Variants in NCOA1 observed in about 807,000 individuals in gnomAD.
The protein encoded by NCOA1 is nuclear receptor coactivator 1.
In NCOA1, 35 loss-of-function variants were observed where a neutral mutation model predicts 150.9. The ratio of observed to expected loss-of-function variants is 0.23; its 90% CI spans 0.18 to 0.31. The LOEUF is 0.31. NCOA1 is among the 10% of genes least tolerant of loss of function. The pLI is 1.00. For synonymous variants in NCOA1, 590 were observed against 630.0 expected, an observed-to-expected ratio of 0.94 and a Z score of 0.95; for missense variants, 1,491 against 1,749.3, an observed-to-expected ratio of 0.85 and a Z score of 2.63.
chr2:24,625,616 G>A (rs897866792), intron 3 of NCOA1, among the ~76,000 whole-genome samples: 4 of 151,942 alleles, frequency 2.6e-5, no homozygotes, highest in Admixed American at 1.3e-4. Context: ...TCCCCCAAAG[G>A]AGACATTTAA....
intron 1 of NCOA1, among the ~76,000 whole-genome samples, chr2:24,517,020 A>G (rs1450985126): frequency 1.3e-5 from 2 of 148,932 alleles, no homozygotes; most frequent in Non-Finnish European, 3.0e-5. Context: ...ACACACACAC[A>G]CACACACACC....
chr2:24,503,846 T>A (rs1374501759), intron 1 of NCOA1, among the ~76,000 whole-genome samples: 2 of 151,934 alleles, frequency 1.3e-5, no homozygotes, highest in African/African-American at 2.4e-5. Flanking sequence ...GCGATTCTCC[T>A]GTCTCAGCCT....
chr2:24,593,561 G>T (rs186136318), intron 3 of NCOA1, among the ~76,000 whole-genome samples: 1 of 151,970 alleles, frequency 6.6e-6, no homozygotes. Flanking sequence ...ACTCTCACAT[G>T]GTTTTACTGT....
At chr2:24,708,940 A>G (rs767397119) in intron 13 of NCOA1, among the ~76,000 whole-genome samples, 2 of 152,148 alleles carry the variant, frequency 1.3e-5, no homozygotes, top group African/African-American at 2.4e-5. Context: ...AACCAATTCA[A>G]ATAACATCTG....
At chr2:24,673,307 G>A (rs1156929810) in intron 6 of NCOA1, 59 bp from the exon 7 acceptor site, 4 of 1,229,554 alleles carry the variant, frequency 3.3e-6, no homozygotes, top group Non-Finnish European at 4.5e-6. Context: ...TCGTAAACTT[G>A]ACTTTATGGA....
chr2:24,554,400 T>G (rs1665986439), intron 1 of NCOA1: 1 of 152,126 alleles, frequency 6.6e-6, no homozygotes, highest in Non-Finnish European at 1.5e-5. Context: ...AGCAGAGGTT[T>G]AATAGGCAAG....
intron 2 of NCOA1, among the ~76,000 whole-genome samples, chr2:24,569,855 G>A (rs1666668371): frequency 6.8e-6 from 1 of 147,504 alleles, no homozygotes; most frequent in Non-Finnish European, 1.5e-5. Context: ...GGGCAACAGA[G>A]TGATACTCCG....
At chr2:24,642,118 T>A (rs1670258493) in intron 3 of NCOA1, among the ~76,000 whole-genome samples, 1 of 151,764 alleles carries the variant, frequency 6.6e-6, no homozygotes, top group Non-Finnish European at 1.5e-5. Context: ...TTCTTTTCTC[T>A]TTCTTCTTCA....
chr2:24,653,881 C>A (rs1217945723), intron 4 of NCOA1, among the ~76,000 whole-genome samples: 1 of 152,138 alleles, frequency 6.6e-6, no homozygotes, highest in Non-Finnish European at 1.5e-5. Flanking sequence ...AAAGTCATGT[C>A]TTTCAACTTC....
intron 17 of NCOA1, among the ~76,000 whole-genome samples, chr2:24,734,171 C>G (rs1329221176): frequency 6.8e-6 from 1 of 147,866 alleles, no homozygotes; most frequent in African/African-American, 2.5e-5. Flanking sequence ...GAGCGAAACT[C>G]CATCTCAAAA....
intron 1 of NCOA1, among the ~76,000 whole-genome samples, chr2:24,513,630 G>A (rs1033198080): frequency 1.3e-5 from 2 of 152,168 alleles, no homozygotes; most frequent in Admixed American, 1.3e-4. Flanking sequence ...ATGTGCTTGC[G>A]TATAGGATTG....
At chr2:24,525,388 G>A (rs756030535) in intron 1 of NCOA1, among the ~76,000 whole-genome samples, 2 of 152,078 alleles carry the variant, frequency 1.3e-5, no homozygotes, top group East Asian at 3.8e-4. Flanking sequence ...TAAAATCAAG[G>A]ATACAGAGAA....
chr2:24,541,287 G>C (rs758471654), intron 1 of NCOA1, among the ~76,000 whole-genome samples: 1 of 152,190 alleles, frequency 6.6e-6, no homozygotes, highest in Non-Finnish European at 1.5e-5. Flanking sequence ...GAGAAGAATG[G>C]TTGAAAGAGT....
chr2:24,495,449 C>T (rs547870853), intron 1 of NCOA1, among the ~76,000 whole-genome samples: 1 of 152,202 alleles, frequency 6.6e-6, no homozygotes, highest in African/African-American at 2.4e-5. Context: ...AAGACTCACC[C>T]TCATCTTGGA....
intron 1 of NCOA1, among the ~76,000 whole-genome samples, chr2:24,538,564 C>G (rs890255531): frequency 6.6e-6 from 1 of 152,194 alleles, no homozygotes; most frequent in Non-Finnish European, 1.5e-5. Flanking sequence ...GCGATGTTCT[C>G]TTAAAATCTT....
At chr2:24,491,740 T>G (rs1477294332) in intron 1 of NCOA1, among the ~76,000 whole-genome samples, 138 bp downstream of exon 1, 1 of 150,820 alleles carries the variant, frequency 6.6e-6, no homozygotes, top group African/African-American at 2.4e-5. Flanking sequence ...TCCATCCTCC[T>G]CCCACTTCCC....
chr2:24,658,028 G>A (rs977475980), intron 4 of NCOA1, among the ~76,000 whole-genome samples: 3 of 152,102 alleles, frequency 2.0e-5, no homozygotes, highest in Non-Finnish European at 4.4e-5. Context: ...TGTGCTAGGC[G>A]GAATGACTTT....
chr2:24,763,616 C>CTTTTTTTTT (rs1179539444), intron 22 of NCOA1, among the ~76,000 whole-genome samples: 2 of 85,308 alleles, frequency 2.3e-5, no homozygotes, highest in Non-Finnish European at 4.5e-5. Context: ...GTCTCTCTCT[C>CTTTTTTTTT]TTTTTTTTTT....
chr2:24,505,010 G>T, intron 1 of NCOA1, among the ~76,000 whole-genome samples: 1 of 151,892 alleles, frequency 6.6e-6, no homozygotes, highest in Non-Finnish European at 1.5e-5. Flanking sequence ...GGACTATTGG[G>T]TGGTGGTTAA....
Sources: gnomAD v4.1 joint callset for allele counts (sites outside exome capture counted in the v4.1 genomes callset) on GRCh38, gnomAD v4.1.1 for gene constraint, MANE v1.5 for transcripts, NCBI Gene and HGNC (gene_info 2026-07-23, HGNC 2026-07-21) for gene names.